The following COL23A1 variants were observed in gnomAD, a reference collection of about 807,000 sequenced individuals.
COL23A1 encodes collagen type XXIII alpha 1 chain.
Under a neutral mutation model 99.3 loss-of-function variants are expected in COL23A1, and 97 were observed. The ratio of observed to expected loss-of-function variants is 0.98; its 90% CI spans 0.83 to 1.16. The LOEUF (loss-of-function observed/expected upper bound fraction) is 1.16. Among genes scored for constraint, COL23A1 ranks in the 50% most tolerant of loss-of-function variants. The pLI is 0.00. For missense variants in COL23A1, 762 were observed against 757.4 expected (o/e 1.01, Z -0.07); for synonymous variants, 320 against 308.2 (o/e 1.04, Z -0.40).
chr5:178,240,996 T>C (rs943965184), intron 27 of COL23A1, among the ~76,000 whole-genome samples: 1 of 152,142 alleles, frequency 6.6e-6, no homozygotes, highest in Non-Finnish European at 1.5e-5. Context: ...GTCCCAGCAC[T>C]CTGGGAGGCT....
chr5:178,317,037 A>G (rs1345514213), intron 2 of COL23A1, among the ~76,000 whole-genome samples: 1 of 152,178 alleles, frequency 6.6e-6, no homozygotes, highest in East Asian at 1.9e-4. Flanking sequence ...AACTCAGACT[A>G]ATGTTTGACA....
At chr5:178,501,626 C>A (rs971026138) in intron 2 of COL23A1, among the ~76,000 whole-genome samples, 2 of 151,980 alleles carry the variant, frequency 1.3e-5, no homozygotes, top group African/African-American at 2.4e-5. Flanking sequence ...GCCAAAGGAC[C>A]AGGGAAGGGG....
chr5:178,499,902 A>C (rs1240915524), intron 2 of COL23A1, among the ~76,000 whole-genome samples: 1 of 152,252 alleles, frequency 6.6e-6, no homozygotes, highest in African/African-American at 2.4e-5. Context: ...TAAATGCTAC[A>C]CCATGGGTGA....
chr5:178,488,398 A>C (rs976884483), intron 2 of COL23A1, among the ~76,000 whole-genome samples: 1 of 152,074 alleles, frequency 6.6e-6, no homozygotes, highest in Non-Finnish European at 1.5e-5. Context: ...CAGACCCGGA[A>C]TCTCTAAATT....
chr5:178,571,259 G>A (rs897809135), intron 1 of COL23A1, among the ~76,000 whole-genome samples: 22 of 152,148 alleles, frequency 1.4e-4, no homozygotes, highest in African/African-American at 4.3e-4. Flanking sequence ...CTACTTGGGA[G>A]GCTGAGGCAG....
At chr5:178,314,586 A>C (rs1758878434) in intron 2 of COL23A1, among the ~76,000 whole-genome samples, 1 of 152,158 alleles carries the variant, frequency 6.6e-6, no homozygotes, top group African/African-American at 2.4e-5. Context: ...TGTGCTCTAC[A>C]AAGGAGCTGA....
At chr5:178,549,380 T>C (rs1761886552) in intron 2 of COL23A1, among the ~76,000 whole-genome samples, 1 of 151,898 alleles carries the variant, frequency 6.6e-6, no homozygotes, top group African/African-American at 2.4e-5. Flanking sequence ...CAATAAAATA[T>C]ATTGCCATGG....
chr5:178,243,867 G>A (rs1182494464), intron 25 of COL23A1, among the ~76,000 whole-genome samples: 3 of 152,248 alleles, frequency 2.0e-5, no homozygotes, highest in Non-Finnish European at 4.4e-5. Flanking sequence ...CCCAGAGCCT[G>A]CAGCTGGTTC....
Position 178,550,781 on chromosome 5 carries a change from G to A in COL23A1, c.361+9901C>T, listed in dbSNP as rs79994779. Among the ~76,000 whole-genome samples the A allele has an allele frequency of 1.7e-3, 257 of 152,192 alleles. 1 individual carries two copies. Among genetic ancestry groups the A allele is most frequent in the African/African-American group, 5.3e-3 (219 of 41,516 alleles). On this transcript the variant is annotated intron_variant, in intron 2 of 28. Transcript: ENST00000390654. The stretch of plus-strand genomic sequence containing the variant: ...ATAATGACACCCCACAGAGTAAAAG[G>A]CTGCACCTGTCACTCAATAGTTGGC...
Position 178,502,377 on chromosome 5 carries a change from C to T in COL23A1, c.361+58305G>A, listed in dbSNP as rs539379481. Among the ~76,000 whole-genome samples the T allele has an allele frequency of 2.1e-4, 32 of 152,288 alleles. 1 individual carries two copies. Among genetic ancestry groups the T allele is most frequent in the East Asian group, 7.7e-4 (4 of 5,172 alleles). ...CGATCTTCTGACCTTGTGATCTGCC[C>T]GCCTCGGCCTCCCAAAGTGCTGGGA... On this transcript the variant is annotated intron_variant, in intron 2 of 28. Coordinates refer to ENST00000390654, the MANE Select transcript of COL23A1 (RefSeq NM_173465.4).
At chr5:178,346,996 C>T (rs1042549650) in intron 2 of COL23A1, among the ~76,000 whole-genome samples, 2 of 152,056 alleles carry the variant, frequency 1.3e-5, no homozygotes, top group African/African-American at 4.8e-5. Context: ...TCCTTACGGC[C>T]TCCAGGGACC....
intron 2 of COL23A1, among the ~76,000 whole-genome samples, chr5:178,424,900 G>A (rs1393227488): frequency 6.6e-6 from 1 of 152,166 alleles, no homozygotes; most frequent in Non-Finnish European, 1.5e-5. Flanking sequence ...AGGGCACCCC[G>A]CTCATTGGAG....
intron 2 of COL23A1, among the ~76,000 whole-genome samples, chr5:178,525,761 T>C (rs1760268993): frequency 6.6e-6 from 1 of 151,938 alleles, no homozygotes; most frequent in Non-Finnish European, 1.5e-5. Context: ...AAACACTCAG[T>C]GCAAAATGGA....
chr5:178,471,224 T>A (rs1756730643), intron 2 of COL23A1, among the ~76,000 whole-genome samples: 1 of 144,972 alleles, frequency 6.9e-6, no homozygotes, highest in African/African-American at 2.5e-5. Context: ...CACCCCTGAG[T>A]AATCATGCGT....
At chr5:178,432,468 T>C (rs979124085) in intron 2 of COL23A1, among the ~76,000 whole-genome samples, 1 of 152,178 alleles carries the variant, frequency 6.6e-6, no homozygotes, top group Non-Finnish European at 1.5e-5. Context: ...CCATTTCTCT[T>C]TGCCCCACCC....
At chr5:178,505,638 C>T (rs1271348333) in intron 2 of COL23A1, among the ~76,000 whole-genome samples, 1 of 152,150 alleles carries the variant, frequency 6.6e-6, no homozygotes, top group Non-Finnish European at 1.5e-5. Flanking sequence ...TGTGCAAAGG[C>T]TCTATTTCCA....
intron 2 of COL23A1, among the ~76,000 whole-genome samples, chr5:178,495,202 T>A (rs2127976675): frequency 6.6e-6 from 1 of 152,290 alleles, no homozygotes; most frequent in South Asian, 2.1e-4. Flanking sequence ...ACCCCGCCCA[T>A]CAGCAGCAGG....
chr5:178,553,680 C>T (rs932945703), intron 2 of COL23A1, among the ~76,000 whole-genome samples: 3 of 152,222 alleles, frequency 2.0e-5, no homozygotes, highest in Non-Finnish European at 4.4e-5. Flanking sequence ...TGCTCGAGGC[C>T]TTCTGGGCAC....
At position 178,439,091 on chromosome 5, in the gene COL23A1, C is replaced by A. The variant is rs988914210; in HGVS notation, c.361+121591G>T. The stretch of plus-strand genomic sequence containing the variant: ...GCCCAGGCTGTGCGCAGATCAGTTA[C>A]ATCAGGACCCAGCCAGCAGATTTTA... On this transcript the variant is annotated intron_variant, in intron 2 of 28. Coordinates refer to ENST00000390654, the MANE Select transcript of COL23A1 (RefSeq NM_173465.4). The surrounding 1 kb of genome is among the most constrained non-coding windows in gnomAD (Gnocchi z 4.2). The A allele has an allele frequency of 6.6e-6, 1 of 152,266 alleles. No homozygotes were observed. Among genetic ancestry groups the A allele is most frequent in the East Asian group, 1.9e-4 (1 of 5,188 alleles). The allele number at this position is 152,266 out of a possible 1,614,324, so 9.4% of individuals were successfully genotyped here.
Sources: gnomAD v4.1 joint callset for allele counts (sites outside exome capture counted in the v4.1 genomes callset) on GRCh38, gnomAD v4.1.1 for gene constraint, Gnocchi (gnomAD v3.1) non-coding constraint, MANE v1.5 for transcripts, NCBI Gene and HGNC (gene_info 2026-07-23, HGNC 2026-07-21) for gene names.